CTNNA3: variants seen among roughly 807,000 people sequenced by gnomAD.
CTNNA3 encodes catenin alpha-3.
CTNNA3 carries 76 observed loss-of-function variants against 95.7 expected under a neutral mutation model. The ratio of observed to expected loss-of-function variants is 0.79; its 90% CI spans 0.66 to 0.96. The LOEUF (loss-of-function observed/expected upper bound fraction) is 0.96. Ranked by LOEUF, CTNNA3 falls within the 40% of genes least tolerant of loss-of-function variation. CTNNA3 has a pLI of 0.00. For synonymous variants in CTNNA3, 431 were observed against 374.4 expected (o/e 1.15, Z -1.74); for missense variants, 1,191 against 1,089.8 (o/e 1.09, Z -1.31).
chr10:66,296,601 A>G (rs983055809), intron 12 of CTNNA3, among the ~76,000 whole-genome samples: 1 of 123,068 alleles, frequency 8.1e-6, no homozygotes, highest in Non-Finnish European at 1.7e-5. Context: ...ATATATCTAT[A>G]TATCTATATC....
At chr10:67,187,280 C>T (rs1300543668) in intron 6 of CTNNA3, among the ~76,000 whole-genome samples, 1 of 152,070 alleles carries the variant, frequency 6.6e-6, no homozygotes, top group Non-Finnish European at 1.5e-5. Flanking sequence ...TTAATTTATA[C>T]ATGTGAAAAC....
intron 9 of CTNNA3, among the ~76,000 whole-genome samples, chr10:66,688,977 A>C (rs1847410179): frequency 6.6e-6 from 1 of 152,012 alleles, no homozygotes; most frequent in Admixed American, 6.6e-5. Context: ...AAAAAAAAAA[A>C]AAAGAGCAGG....
At chr10:66,673,776 AG>A (rs1846748357) in intron 9 of CTNNA3, among the ~76,000 whole-genome samples, 1 of 150,956 alleles carries the variant, frequency 6.6e-6, no homozygotes, top group African/African-American at 2.5e-5. Context: ...TAAAATAAAC[AG>A]GAGTTTTTAT....
chr10:66,718,301 C>T (rs966619586), intron 9 of CTNNA3, among the ~76,000 whole-genome samples: 3 of 152,008 alleles, frequency 2.0e-5, no homozygotes, highest in African/African-American at 4.8e-5. Flanking sequence ...TGAGTTCCCC[C>T]GGCATCAGTC....
At chr10:66,278,004 T>C (rs2091428413) in intron 13 of CTNNA3, among the ~76,000 whole-genome samples, 1 of 151,488 alleles carries the variant, frequency 6.6e-6, no homozygotes, top group African/African-American at 2.4e-5. Context: ...ATTAGTTATT[T>C]AGTTGAAGAA....
intron 11 of CTNNA3, among the ~76,000 whole-genome samples, chr10:66,520,245 C>CTTTTTTTTTTT (rs543882241): frequency 2.6e-5 from 2 of 78,068 alleles, no homozygotes; most frequent in Non-Finnish European, 4.5e-5. Flanking sequence ...TAGTATTATT[C>CTTTTTTTTTTT]TTTTTTTTTT....
At chr10:67,157,415 A>G (rs1861358792) in intron 7 of CTNNA3, among the ~76,000 whole-genome samples, 1 of 152,158 alleles carries the variant, frequency 6.6e-6, no homozygotes, top group African/African-American at 2.4e-5. Flanking sequence ...CAAAAGGGAG[A>G]AGGCAGCCCC....
At chr10:66,036,899 GTC>G (rs1370380053) in intron 15 of CTNNA3, among the ~76,000 whole-genome samples, 1 of 114,546 alleles carries the variant, frequency 8.7e-6, no homozygotes, top group East Asian at 2.7e-4. Flanking sequence ...TTGAGACTGA[GTC>G]TCGCCCTGTC....
chr10:65,933,913 G>A (rs1670152), intron 17 of CTNNA3, among the ~76,000 whole-genome samples: 22,982 of 152,074 alleles, frequency 0.15, 2,165 homozygotes, highest in South Asian at 0.22. Context: ...GAAATCTGCT[G>A]GAGTGGTTCT....
intron 7 of CTNNA3, among the ~76,000 whole-genome samples, chr10:67,133,358 C>CATAA (rs1860129079): frequency 1.1e-5 from 1 of 89,056 alleles, no homozygotes. Flanking sequence ...TAGATACATA[C>CATAA]ATACATACAT....
At chr10:67,638,591 T>C (rs986887459) in intron 2 of CTNNA3, among the ~76,000 whole-genome samples, 1 of 152,138 alleles carries the variant, frequency 6.6e-6, no homozygotes, top group Non-Finnish European at 1.5e-5. Flanking sequence ...TATTACAAAA[T>C]TGACCACATA....
intron 8 of CTNNA3, among the ~76,000 whole-genome samples, chr10:66,774,053 C>G (rs1248454809): frequency 6.6e-6 from 1 of 152,096 alleles, no homozygotes; most frequent in African/African-American, 2.4e-5. Context: ...ATTCCACACA[C>G]AAGTAATTGC....
intron 7 of CTNNA3, among the ~76,000 whole-genome samples, chr10:67,160,053 A>T (rs912905298): frequency 5.9e-5 from 9 of 152,284 alleles, no homozygotes; most frequent in Non-Finnish European, 1.2e-4. Context: ...AATAAAAAAA[A>T]TGGCAAAGGA....
intron 7 of CTNNA3, among the ~76,000 whole-genome samples, chr10:67,161,852 G>A (rs1291272286): frequency 1.3e-5 from 2 of 151,972 alleles, no homozygotes; most frequent in Admixed American, 1.3e-4. Context: ...GATAAACCAT[G>A]CAAACATTAA....
chr10:67,397,211 G>A (rs1360261224), intron 5 of CTNNA3, among the ~76,000 whole-genome samples: 4 of 152,138 alleles, frequency 2.6e-5, no homozygotes, highest in African/African-American at 7.2e-5. Context: ...CTAGAGACTA[G>A]GAGAGCTCAG....
chr10:66,394,569 AAAG>A (rs1468458393), intron 11 of CTNNA3, among the ~76,000 whole-genome samples: 3 of 144,598 alleles, frequency 2.1e-5, no homozygotes, highest in Admixed American at 7.0e-5. Flanking sequence ...AAAAAAAAAA[AAAG>A]AAGAAGAAAT....
At chr10:66,406,504 CA>C (rs1437608484) in intron 11 of CTNNA3, among the ~76,000 whole-genome samples, 2 of 152,058 alleles carry the variant, frequency 1.3e-5, no homozygotes, top group African/African-American at 2.4e-5. Context: ...AGTCTTAAAC[CA>C]AAAACTATAT....
chr10:66,998,876 C>G lies in CTNNA3; in HGVS notation c.1047+181441G>C, dbSNP rs147030233. On this transcript the variant is annotated intron_variant, in intron 7 of 17. Coordinates refer to ENST00000433211, the MANE Select transcript of CTNNA3 (RefSeq NM_013266.4). ...TTTGTTCCAATGGCTATATGTAAAACCATGGACCCTACAATTAGAGAACAC... is the reference window on the plus strand; with the variant it reads ...TTTGTTCCAATGGCTATATGTAAAAGCATGGACCCTACAATTAGAGAACAC... 5.3e-3 allele frequency among the ~76,000 whole-genome samples: 801 copies of G among 152,134 alleles called. 2 individuals carry two copies. Among genetic ancestry groups the G allele is most frequent in the African/African-American group, 0.018 (763 of 41,526 alleles).
Position 67,671,515 on chromosome 10 carries a change from C to T in CTNNA3, c.-5-23997G>A, listed in dbSNP as rs192485740. 5.5e-5 allele frequency among the ~76,000 whole-genome samples: 8 copies of T among 144,730 alleles called. No homozygotes were observed. In the South Asian group the frequency reaches 1.7e-3, roughly 31 times the overall value. 94.9% of individuals were successfully genotyped at this position (144,730 alleles called of 152,430 possible). ...CTAATGCTATCCCTCCCCGCTCCCC[C>T]CACCCCACAACAGTCCCTGAAGTGT... On this transcript the variant is annotated intron_variant, in intron 1 of 17. Transcript: ENST00000433211.
Sources: allele counts gnomAD v4.1 joint callset (sites outside exome capture counted in the v4.1 genomes callset), GRCh38; gene constraint gnomAD v4.1.1; transcripts MANE v1.5; gene names NCBI Gene and HGNC (gene_info 2026-07-23, HGNC 2026-07-21).